XPO5: variants seen among roughly 807,000 people sequenced by gnomAD.
XPO5 encodes exportin-5.
In XPO5, 46 loss-of-function variants were observed where a neutral mutation model predicts 160.6. The ratio of observed to expected loss-of-function variants is 0.29; its 90% CI spans 0.23 to 0.37. The LOEUF (loss-of-function observed/expected upper bound fraction) is 0.37. Among genes scored for constraint, XPO5 ranks in the 10% least tolerant of loss-of-function variants. The pLI, the probability that XPO5 is intolerant of heterozygous loss-of-function variation, is 1.00. For synonymous variants in XPO5, 537 were observed against 519.3 expected, an observed-to-expected ratio of 1.03 and a Z score of -0.46; for missense variants, 1,090 against 1,463.9, an observed-to-expected ratio of 0.74 and a Z score of 4.17.
At chr6:43,555,029 C>A (rs1253478689) in intron 13 of XPO5, 1 of 151,048 alleles carries the variant, frequency 6.6e-6, no homozygotes, top group Non-Finnish European at 1.5e-5. Flanking sequence ...GCAACCTACA[C>A]CTCCTGGGTT....
chr6:43,556,507 G>C (rs1476645754), intron 12 of XPO5, among the ~76,000 whole-genome samples: 1 of 144,166 alleles, frequency 6.9e-6, no homozygotes, highest in African/African-American at 2.6e-5. Flanking sequence ...CTGGACAACA[G>C]AGTGAGACCA....
chr6:43,567,009 T>C (rs929094305), intron 7 of XPO5, among the ~76,000 whole-genome samples, 160 bp downstream of exon 7: 4 of 152,128 alleles, frequency 2.6e-5, no homozygotes, highest in Non-Finnish European at 5.9e-5. Flanking sequence ...CCCTTGAATA[T>C]TGGCAAACTC....
At position 43,570,973 on chromosome 6, in the gene XPO5, C is replaced by T; in HGVS notation, c.322G>A (p.Glu108Lys). Residue 108 changes from glutamate (E) to lysine (K), a missense_variant, in exon 4 of 32, where the codon GAG (glutamate) becomes AAG (lysine). This residue lies in a region of XPO5 where 170 missense variants were observed against 227.0 expected (regional missense o/e 0.75). Coordinates refer to ENST00000265351, the MANE Select transcript of XPO5 (RefSeq NM_020750.3). Reference sequence around the variant, plus strand: ...AGAGCATCTTTAATATGGTTCTCCTCTTCCAAAATGTTCAATGTTCCCTGA... The same window carrying T: ...AGAGCATCTTTAATATGGTTCTCCTTTTCCAAAATGTTCAATGTTCCCTGA... The part of the protein sequence containing the change: ...IANGTLNILE[E>K]ENHIKDALSR... 6.2e-7 allele frequency: 1 copy of T among 1,612,272 alleles called. No homozygotes were observed. Among genetic ancestry groups the T allele is most frequent in the Non-Finnish European group, 8.5e-7 (1 of 1,179,404 alleles).
At position 43,523,436 on chromosome 6, in the gene XPO5, C is replaced by A; in HGVS notation, c.*432G>T. On this transcript the variant is annotated 3_prime_UTR_variant, in exon 32 of 32. Coordinates refer to ENST00000265351, the MANE Select transcript of XPO5 (RefSeq NM_020750.3). ...AGGGCTCAGTGGGAGTTGGAGTGGT[C>A]CAAGAGAAACTCTGGCACAAGTAGT... 1 of 336,892 alleles carries A rather than the reference C, an allele frequency of 3.0e-6. No homozygotes were observed. Among genetic ancestry groups the A allele is most frequent in the Non-Finnish European group, 5.8e-6 (1 of 171,442 alleles). 20.9% of individuals were successfully genotyped at this position (336,892 alleles called of 1,614,324 possible). A position where few individuals can be genotyped will look rare whatever the true frequency, so the allele number is the denominator to read the frequency against.
chr6:43,529,066 C>A, intron 23 of XPO5, 141 bp from the exon 24 acceptor site: 1 of 1,103,488 alleles, frequency 9.1e-7, no homozygotes, highest in Non-Finnish European at 1.3e-6. Context: ...GTGAAAAAAT[C>A]TTAAAGTTCT....
intron 20 of XPO5, among the ~76,000 whole-genome samples, chr6:43,542,965 G>A (rs1470882211): frequency 2.0e-5 from 3 of 151,936 alleles, no homozygotes. Context: ...ATCACCCAAA[G>A]GTCCATCAAG....
At position 43,548,289 on chromosome 6, in the gene XPO5, T is replaced by C. The variant is rs1795062074; in HGVS notation, c.2032A>G (p.Ser678Gly). 2 of 1,611,806 alleles carry C rather than the reference T, an allele frequency of 1.2e-6. No homozygotes were observed. The highest frequency in any genetic ancestry group is 1.7e-6 in the Non-Finnish European group (2 of 1,178,620). ...FLEELMAPVASIWLSQDMHRV... is the reference protein window; with the variant it reads ...FLEELMAPVAGIWLSQDMHRV... ...TGCATGTCTTGAGAAAGCCAGATGC[T>C]GGCCACTGGTGCCATCAGCTCCTCT... The change falls in exon 18 of 32, where the codon AGC becomes GGC. Residue 678 changes from serine (S) to glycine (G), a missense_variant. Ser to Gly is a moderately conservative substitution (Grantham distance 56). Coordinates refer to ENST00000265351, the MANE Select transcript of XPO5 (RefSeq NM_020750.3).
At chr6:43,538,139 C>CTTTTTTTTTTTTTTTTTTTTTTTTTTT (rs1160662301) in intron 20 of XPO5, among the ~76,000 whole-genome samples, 1 of 48,920 alleles carries the variant, frequency 2.0e-5, no homozygotes, top group African/African-American at 8.3e-5. Flanking sequence ...TAAGAGACAT[C>CTTTTTTTTTTTTTTTTTTTTTTTTTTT]TTTTTTTTTT....
chr6:43,523,790 A>G lies in XPO5; in HGVS notation c.*78T>C, dbSNP rs1370437165. On this transcript the variant is annotated 3_prime_UTR_variant, in exon 32 of 32. Coordinates refer to ENST00000265351, the MANE Select transcript of XPO5 (RefSeq NM_020750.3). ...TGGTGGAAAGTGAGGTGGCAGTGCA[A>G]GAAGGGCCTAGAGATCGGCTACAAA... is the stretch of plus-strand genomic sequence containing the variant. 1 of 1,611,408 alleles carries G rather than the reference A, an allele frequency of 6.2e-7. No homozygotes were observed. Among genetic ancestry groups the G allele is most frequent in the South Asian group, 1.1e-5 (1 of 90,772 alleles).
At chr6:43,570,804 T>G in intron 4 of XPO5, 53 bp downstream of exon 4, 1 of 1,553,590 alleles carries the variant, frequency 6.4e-7, no homozygotes, top group Non-Finnish European at 8.7e-7. Flanking sequence ...CAACAAACCC[T>G]GAAGTTTGTT....
rs1582234211 is a variant in XPO5 at position 43,557,669 on chromosome 6, T to C, written c.1312+832A>G. 2.0e-5 allele frequency among the ~76,000 whole-genome samples: 3 copies of C among 149,954 alleles called. No individual in the cohort carries two copies. In the South Asian group the frequency reaches 6.3e-4, roughly 31 times the overall value. Reference sequence around the variant, plus strand: ...TTTTTGGGGTGATGAAAATATAATCTAAAATTGATTGTGGTGATGGCTGCA... The same window carrying C: ...TTTTTGGGGTGATGAAAATATAATCCAAAATTGATTGTGGTGATGGCTGCA... On this transcript the variant is annotated intron_variant, in intron 12 of 31. Transcript: ENST00000265351.
At chr6:43,551,174 T>A (rs541820374) in intron 15 of XPO5, 124 bp downstream of exon 15, 1 of 1,043,450 alleles carries the variant, frequency 9.6e-7, no homozygotes, top group African/African-American at 1.6e-5. Flanking sequence ...GAGGATCCCT[T>A]GAGACTAGTA....
intron 20 of XPO5, among the ~76,000 whole-genome samples, chr6:43,540,999 C>G (rs1328125008): frequency 6.6e-6 from 1 of 151,792 alleles, no homozygotes; most frequent in Admixed American, 6.6e-5. Flanking sequence ...ATAAGCCAGG[C>G]ACAGAAAGAC....
chr6:43,549,261 A>C (rs1389774593), intron 17 of XPO5, among the ~76,000 whole-genome samples: 1 of 152,090 alleles, frequency 6.6e-6, no homozygotes, highest in African/African-American at 2.4e-5. Context: ...ACCGGACTTC[A>C]CCATGTTGTC....
intron 3 of XPO5, among the ~76,000 whole-genome samples, chr6:43,571,392 C>T (rs768714817): frequency 9.9e-5 from 15 of 152,022 alleles, no homozygotes; most frequent in Non-Finnish European, 1.6e-4. Flanking sequence ...ATAGTTCTAA[C>T]ACTAGAAGAC....
At chr6:43,568,098 G>A (rs1488590188) in intron 6 of XPO5, among the ~76,000 whole-genome samples, 1 of 151,924 alleles carries the variant, frequency 6.6e-6, no homozygotes, top group African/African-American at 2.4e-5. Context: ...GATGAGGTCA[G>A]GAGATTGAGA....
intron 20 of XPO5, among the ~76,000 whole-genome samples, chr6:43,544,595 T>C (rs1794877086): frequency 6.6e-6 from 1 of 152,122 alleles, no homozygotes; most frequent in Non-Finnish European, 1.5e-5. Flanking sequence ...CACTTTCACG[T>C]TTCTCTAGCT....
intron 14 of XPO5, 121 bp from the exon 15 acceptor site, chr6:43,551,574 G>GT: frequency 8.4e-7 from 1 of 1,186,480 alleles, no homozygotes; most frequent in Non-Finnish European, 1.2e-6. Flanking sequence ...CTAGGCTGGA[G>GT]TGCACAGTGG....
chr6:43,538,788 G>T, intron 20 of XPO5: 23 of 707,826 alleles, frequency 3.2e-5, no homozygotes, highest in South Asian at 1.9e-4. Flanking sequence ...TTTTTCCCAC[G>T]CTTAATTCAC....
Sources: allele counts gnomAD v4.1 joint callset (sites outside exome capture counted in the v4.1 genomes callset), GRCh38; gene constraint gnomAD v4.1.1; regional missense constraint gnomAD v4.1.1; transcripts MANE v1.5; gene names NCBI Gene and HGNC (gene_info 2026-07-23, HGNC 2026-07-21).